Variants in TEAD1 observed in about 807,000 individuals in gnomAD.
The protein encoded by TEAD1 is TEA domain transcription factor 1.
In TEAD1, 9 loss-of-function variants were observed where a neutral mutation model predicts 54.9. That is an observed-to-expected ratio of 0.16 (90% confidence interval 0.10 to 0.29). The LOEUF is 0.29. Ranked by LOEUF, TEAD1 falls within the 10% of genes least tolerant of loss-of-function variation. The probability of loss-of-function intolerance (pLI) is 1.00; values close to 1 mark genes in which losing one functional copy is unlikely to be tolerated. For synonymous variants in TEAD1, 200 were observed against 187.8 expected, an observed-to-expected ratio of 1.07 and a Z score of -0.53; for missense variants, 387 against 535.9, an observed-to-expected ratio of 0.72 and a Z score of 2.74.
At chr11:12,725,497 A>G (rs753542759) in intron 2 of TEAD1, among the ~76,000 whole-genome samples, 6 of 152,238 alleles carry the variant, frequency 3.9e-5, no homozygotes, top group Non-Finnish European at 8.8e-5. Context: ...CATAATAATG[A>G]TAAATGCTCA....
chr11:12,916,386 T>G (rs1042155584), intron 10 of TEAD1, among the ~76,000 whole-genome samples: 1 of 152,180 alleles, frequency 6.6e-6, no homozygotes, highest in African/African-American at 2.4e-5. Flanking sequence ...TGTTTATTGA[T>G]TACAGACTCT....
At chr11:12,716,474 C>T (rs1944064995) in intron 2 of TEAD1, among the ~76,000 whole-genome samples, 2 of 152,198 alleles carry the variant, frequency 1.3e-5, no homozygotes, top group Non-Finnish European at 2.9e-5. Context: ...TATTTTCCCC[C>T]CAGACAATGT....
At chr11:12,865,183 T>C (rs1431748838) in intron 5 of TEAD1, 6 of 475,086 alleles carry the variant, frequency 1.3e-5, no homozygotes, top group Admixed American at 3.5e-5. Flanking sequence ...TTGATAACTT[T>C]TCAGCACAGA....
rs1464757820 is a variant in TEAD1 at position 12,871,486 on chromosome 11, G to A, written c.330+6586G>A. On this transcript the variant is annotated intron_variant, in intron 5 of 12. Transcript: ENST00000527636. ...AAGAATGCAGAAGCATTCTCCATGT[G>A]TTAAGCAGTCTTTTTCCTACTCAGA... 3.3e-5 allele frequency among the ~76,000 whole-genome samples: 5 copies of A among 152,190 alleles called. No homozygotes were observed. The East Asian group carries it at 9.6e-4, about 29-fold the overall frequency.
At chr11:12,901,801 A>T in intron 9 of TEAD1, 139 bp from the exon 10 acceptor site, 1 of 953,604 alleles carries the variant, frequency 1.0e-6, no homozygotes, top group Non-Finnish European at 1.7e-6. Context: ...CATACTCATC[A>T]TTTCAAAAGC....
intron 3 of TEAD1, among the ~76,000 whole-genome samples, chr11:12,847,957 G>A (rs1330992802): frequency 1.3e-5 from 2 of 152,264 alleles, no homozygotes; most frequent in Non-Finnish European, 2.9e-5. Context: ...TTTCTCTGTC[G>A]TGACTAGCTG....
intron 2 of TEAD1, among the ~76,000 whole-genome samples, chr11:12,741,448 A>C (rs1254154536): frequency 6.6e-6 from 1 of 152,210 alleles, no homozygotes; most frequent in Non-Finnish European, 1.5e-5. Flanking sequence ...CACCAGCAGC[A>C]TATTTTCTAT....
chr11:12,875,634 A>G (rs1460029445), intron 5 of TEAD1, among the ~76,000 whole-genome samples: 1 of 152,246 alleles, frequency 6.6e-6, no homozygotes, highest in African/African-American at 2.4e-5. Flanking sequence ...CTCGACCACA[A>G]AAGGTAGGAA....
chr11:12,833,845 G>A (rs1946830212), intron 3 of TEAD1, among the ~76,000 whole-genome samples: 1 of 152,008 alleles, frequency 6.6e-6, no homozygotes, highest in Non-Finnish European at 1.5e-5. Context: ...GAATCCCATA[G>A]GTGCCTCCCG....
At chr11:12,734,820 T>G (rs1189717193) in intron 2 of TEAD1, among the ~76,000 whole-genome samples, 1 of 152,220 alleles carries the variant, frequency 6.6e-6, no homozygotes, top group African/African-American at 2.4e-5. Flanking sequence ...GATGTTGATG[T>G]ACGATGACGA....
chr11:12,908,961 G>A (rs12290489), intron 10 of TEAD1, among the ~76,000 whole-genome samples: 1 of 148,314 alleles, frequency 6.7e-6, no homozygotes, highest in Non-Finnish European at 1.5e-5. Flanking sequence ...ATGGTTATGT[G>A]TGTAAATAAC....
At chr11:12,798,265 C>G (rs545331257) in intron 3 of TEAD1, among the ~76,000 whole-genome samples, 3 of 152,290 alleles carry the variant, frequency 2.0e-5, no homozygotes, top group Admixed American at 2.0e-4. Context: ...TCCAGTTCCA[C>G]CCCCATCAGT....
rs560327822 is a variant in TEAD1, at chr11:12,940,423, C to G, written c.*3201C>G. On this transcript the variant is annotated 3_prime_UTR_variant, in exon 13 of 13. Transcript: ENST00000527636. The stretch of plus-strand genomic sequence containing the variant: ...GTGCAAAATGATCCCTGGTCAAGAT[C>G]TGTTGCCCAAGATGTTACAGGTCAC... 2 of 152,366 alleles carry G rather than the reference C, an allele frequency of 1.3e-5. No homozygotes were observed. The highest frequency in any genetic ancestry group is 4.8e-5 in the African/African-American group (2 of 41,580). The allele number at this position is 152,366 out of a possible 1,614,324, so 9.4% of individuals were successfully genotyped here. A position where few individuals can be genotyped will look rare whatever the true frequency, so the allele number is the denominator to read the frequency against.
chr11:12,883,661 T>C (rs1948019477), intron 9 of TEAD1, among the ~76,000 whole-genome samples: 1 of 152,168 alleles, frequency 6.6e-6, no homozygotes, highest in African/African-American at 2.4e-5. Flanking sequence ...TATTCCATAC[T>C]CTCTTTCCAA....
intron 3 of TEAD1, among the ~76,000 whole-genome samples, chr11:12,801,639 C>G (rs182783355): frequency 6.6e-6 from 1 of 152,194 alleles, no homozygotes; most frequent in Admixed American, 6.5e-5. Flanking sequence ...TGAACCTGAG[C>G]GTGTCTGCTT....
chr11:12,812,774 G>A (rs1181288493), intron 3 of TEAD1, among the ~76,000 whole-genome samples: 1 of 152,220 alleles, frequency 6.6e-6, no homozygotes, highest in South Asian at 2.1e-4. Flanking sequence ...TCCCTTTGGG[G>A]AAGTCGTGGC....
At chr11:12,788,364 TC>T (rs1945725799) in intron 3 of TEAD1, among the ~76,000 whole-genome samples, 1 of 152,032 alleles carries the variant, frequency 6.6e-6, no homozygotes, top group African/African-American at 2.4e-5. Context: ...ACTCCTGACC[TC>T]AGGTGATCCG....
chr11:12,826,369 A>C (rs544133886), intron 3 of TEAD1, among the ~76,000 whole-genome samples: 10 of 152,286 alleles, frequency 6.6e-5, no homozygotes, highest in African/African-American at 1.9e-4. Context: ...GAAGTACATA[A>C]AGTTGTGGGA....
chr11:12,797,215 A>G (rs367663659), intron 3 of TEAD1, among the ~76,000 whole-genome samples: 49 of 152,354 alleles, frequency 3.2e-4, no homozygotes, highest in African/African-American at 1.1e-3. Context: ...TCTTCAACAT[A>G]GACTTGAAGA....
Sources: allele counts gnomAD v4.1 joint callset (sites outside exome capture counted in the v4.1 genomes callset), GRCh38; gene constraint gnomAD v4.1.1; transcripts MANE v1.5; gene names NCBI Gene and HGNC (gene_info 2026-07-23, HGNC 2026-07-21).